The following PSG2 variants were observed in gnomAD, a reference collection of about 807,000 sequenced individuals.
PSG2 encodes the protein pregnancy specific beta-1-glycoprotein 2, also known as pregnancy-specific beta-1-glycoprotein 2.
Under a neutral mutation model 36.2 loss-of-function variants are expected in PSG2, and 49 were observed. The observed-to-expected ratio is 1.35, with a 90% CI of 1.08 to 1.72. The LOEUF (loss-of-function observed/expected upper bound fraction) is 1.72, where lower values mean the gene tolerates loss of function less well. Ranked by LOEUF, PSG2 falls within the 40% of genes most tolerant of loss-of-function variation. The pLI is 0.00. For synonymous variants in PSG2, 261 were observed against 155.6 expected (o/e 1.68, Z -5.04); for missense variants, 605 against 407.2 (o/e 1.49, Z -4.18).
Position 43,072,351 on chromosome 19 carries a change from A to G in PSG2, c.710-397T>C. On this transcript the variant is annotated intron_variant, in intron 3 of 5. Transcript: ENST00000406487. Reference sequence around the variant, plus strand: ...TGGCCCACAGAGGAACAAAAGATACAGAGGACATTCAGGGTGACTGGGTCA... The same window carrying G: ...TGGCCCACAGAGGAACAAAAGATACGGAGGACATTCAGGGTGACTGGGTCA... 6 of 1,612,512 alleles carry G rather than the reference A, an allele frequency of 3.7e-6. No homozygotes were observed. In the South Asian group the frequency reaches 6.6e-5, roughly 18 times the overall value.
intron 4 of PSG2, among the ~76,000 whole-genome samples, chr19:43,067,604 T>C (rs936023747): frequency 6.6e-6 from 1 of 151,364 alleles, no homozygotes; most frequent in African/African-American, 2.4e-5. Flanking sequence ...GACAGAAGCT[T>C]AGCGTGGTGT....
intron 2 of PSG2, among the ~76,000 whole-genome samples, chr19:43,077,805 C>T (rs2122913687): frequency 6.6e-6 from 1 of 151,864 alleles, no homozygotes; most frequent in Non-Finnish European, 1.5e-5. Context: ...TTTTTCTTCC[C>T]CACTCTTCTT....
At chr19:43,079,597 C>T (rs1967942897) in intron 2 of PSG2, among the ~76,000 whole-genome samples, 1 of 151,652 alleles carries the variant, frequency 6.6e-6, no homozygotes, top group Non-Finnish European at 1.5e-5. Context: ...CCTTGATCCT[C>T]TCATGACAGT....
rs975209704 is a variant in PSG2 at position 43,067,734 on chromosome 19, G to T, written c.965-1134C>A. ...TATAGTAGCTGACATTGGTTCCTCT[G>T]TGTGTGGCATCTTGTTTCATTGACT... On this transcript the variant is annotated intron_variant, in intron 4 of 5. Coordinates refer to ENST00000406487, the MANE Select transcript of PSG2 (RefSeq NM_031246.4). 7.3e-5 allele frequency among the ~76,000 whole-genome samples: 11 copies of T among 151,420 alleles called. 1 individual carries two copies. The highest frequency in any genetic ancestry group is 1.5e-4 in the Non-Finnish European group (10 of 67,970).
intron 2 of PSG2, among the ~76,000 whole-genome samples, chr19:43,076,909 T>A (rs1169368032): frequency 6.6e-6 from 1 of 151,382 alleles, no homozygotes; most frequent in Admixed American, 6.6e-5. Flanking sequence ...AATGCGCCAG[T>A]GAGCACTTCT....
intron 3 of PSG2, among the ~76,000 whole-genome samples, chr19:43,073,949 G>A (rs1025286454): frequency 6.6e-6 from 1 of 151,656 alleles, no homozygotes; most frequent in East Asian, 1.9e-4. Context: ...AGATTAGTAG[G>A]CAAAAGTGGG....
Position 43,071,690 on chromosome 19 carries a change from A to T in PSG2, c.964+10T>A. The stretch of plus-strand genomic sequence containing the variant: ...AAACCCTACTGCCAAGGATGCTGGG[A>T]TCCACTTACCAGAGACTTTGACTGT... On this transcript the variant is annotated intron_variant, in intron 4 of 5. Coordinates refer to ENST00000406487, the MANE Select transcript of PSG2 (RefSeq NM_031246.4). 3.1e-6 allele frequency: 5 copies of T among 1,612,886 alleles called. 1 individual carries two copies. In the Admixed American group the frequency reaches 5.0e-5, roughly 16 times the overall value.
At chr19:43,080,846 C>T (rs1374958633) in intron 2 of PSG2, 35 bp downstream of exon 2, 2 of 1,606,532 alleles carry the variant, frequency 1.2e-6, no homozygotes, top group East Asian at 4.5e-5. Flanking sequence ...TGACCCCTGT[C>T]CCCCAACACC....
intron 5 of PSG2, 50 bp downstream of exon 5, chr19:43,066,467 C>T: frequency 7.5e-7 from 1 of 1,333,926 alleles, no homozygotes; most frequent in Non-Finnish European, 1.1e-6. Context: ...CTCTCCCAAG[C>T]ATGGCAGTCA....
At chr19:43,071,358 G>T (rs775225303) in intron 4 of PSG2, among the ~76,000 whole-genome samples, 1 of 151,484 alleles carries the variant, frequency 6.6e-6, no homozygotes, top group Admixed American at 6.6e-5. Flanking sequence ...AAAAAAAGAC[G>T]TGGCAGAAGG....
chr19:43,069,811 A>G (rs1183213639), intron 4 of PSG2, among the ~76,000 whole-genome samples: 1 of 151,822 alleles, frequency 6.6e-6, no homozygotes, highest in Non-Finnish European at 1.5e-5. Context: ...CAACAAAAGC[A>G]TAGGCAACAA....
At chr19:43,070,036 G>T (rs1187032544) in intron 4 of PSG2, among the ~76,000 whole-genome samples, 1 of 151,550 alleles carries the variant, frequency 6.6e-6, no homozygotes, top group African/African-American at 2.4e-5. Flanking sequence ...GATTAAAATG[G>T]AGTTTTCTCC....
intron 2 of PSG2, among the ~76,000 whole-genome samples, chr19:43,076,492 G>A (rs573333867): frequency 6.6e-6 from 1 of 151,924 alleles, no homozygotes; most frequent in East Asian, 1.9e-4. Flanking sequence ...GATGATGGAA[G>A]TCTGGCCCTC....
At chr19:43,078,793 TG>T (rs1197006247) in intron 2 of PSG2, among the ~76,000 whole-genome samples, 9 of 151,700 alleles carry the variant, frequency 5.9e-5, no homozygotes, top group African/African-American at 2.2e-4. Flanking sequence ...ATAATTTTTT[TG>T]TGTGTGTGTG....
chr19:43,064,384 C>A lies in PSG2; in HGVS notation c.*258G>T, dbSNP rs17420417. On this transcript the variant is annotated 3_prime_UTR_variant, in exon 6 of 6. Coordinates refer to ENST00000406487, the MANE Select transcript of PSG2 (RefSeq NM_031246.4). Reference sequence around the variant, plus strand: ...CATAAATCTGGAGAATGAAACATTCCAAGAATCAGCACATTTTCAAATAGA... The same window carrying A: ...CATAAATCTGGAGAATGAAACATTCAAAGAATCAGCACATTTTCAAATAGA... 6 of 309,386 alleles carry A rather than the reference C, an allele frequency of 1.9e-5. No individual in the cohort carries two copies. The highest frequency in any genetic ancestry group is 1.0e-4 in the South Asian group (1 of 10,010). 19.2% of individuals were successfully genotyped at this position (309,386 alleles called of 1,614,324 possible). A position where few individuals can be genotyped will look rare whatever the true frequency, so the allele number is the denominator to read the frequency against.
At chr19:43,075,249 G>T in intron 3 of PSG2, 105 bp downstream of exon 3, 2 of 1,606,640 alleles carry the variant, frequency 1.2e-6, no homozygotes, top group Non-Finnish European at 1.7e-6. Flanking sequence ...ATGCCTAGGG[G>T]TAAAGGTCTC....
Position 43,075,614 on chromosome 19 carries a change from G to T in PSG2, c.449C>A (p.Ser150Tyr), listed in dbSNP as rs145532891. Reference protein sequence around the residue: ...FTLYLETPKPSISSSNLNPRE... With the variant: ...FTLYLETPKPYISSSNLNPRE... ...GGGGTTTAAGTTGCTGCTGGAGATG[G>T]AGGGCTTGGGAGTCTCCACTGTGCA... The change falls in exon 3 of 6, where the codon TCC becomes TAC. Residue 150 changes from serine (S) to tyrosine (Y), a missense_variant. Transcript: ENST00000406487. 1.5e-4 allele frequency: 248 copies of T among 1,612,816 alleles called. 3 individuals are homozygous for T. The highest frequency in any genetic ancestry group is 1.9e-4 in the Non-Finnish European group (223 of 1,179,566).
At chr19:43,072,212 C>G in intron 3 of PSG2, 4 of 1,450,600 alleles carry the variant, frequency 2.8e-6, no homozygotes, top group South Asian at 1.4e-5. Flanking sequence ...CCAGGTTTTC[C>G]CAGGGCAGGG....
In PSG2 at chr19:43,082,594, C is replaced by G; in HGVS notation, c.-25G>C. ...TGGTCTCTGCTGCCTGTGTGTTCTCCTCTGTGGAGATGAGCCTAGGATCCA... is the reference window on the plus strand; with the variant it reads ...TGGTCTCTGCTGCCTGTGTGTTCTCGTCTGTGGAGATGAGCCTAGGATCCA... On this transcript the variant is annotated 5_prime_UTR_variant, in exon 1 of 6. Transcript: ENST00000406487. The G allele has an allele frequency of 6.2e-7, 1 of 1,609,796 alleles. No individual in the cohort carries two copies. Among genetic ancestry groups the G allele is most frequent in the South Asian group, 1.1e-5 (1 of 90,956 alleles).
Sources: allele counts gnomAD v4.1 joint callset (sites outside exome capture counted in the v4.1 genomes callset), GRCh38; gene constraint gnomAD v4.1.1; transcripts MANE v1.5; gene names NCBI Gene and HGNC (gene_info 2026-07-23, HGNC 2026-07-21).